Variants in CDA observed in about 807,000 individuals in gnomAD.
CDA encodes the protein cytidine aminohydrolase.
A neutral mutation model predicts 15.0 loss-of-function variants in CDA; 7 were observed. The ratio of observed to expected loss-of-function variants is 0.47; its 90% CI spans 0.26 to 0.87. The LOEUF (loss-of-function observed/expected upper bound fraction) is 0.87. CDA is among the 40% of genes least tolerant of loss of function. The pLI, the probability that CDA is intolerant of heterozygous loss-of-function variation, is 0.15. For synonymous variants in CDA, 58 were observed against 73.0 expected (o/e 0.79, Z 1.05); for missense variants, 159 against 182.7 (o/e 0.87, Z 0.75).
At chr1:20,591,785 G>A (rs1175585383) in intron 1 of CDA, among the ~76,000 whole-genome samples, 2 of 152,086 alleles carry the variant, frequency 1.3e-5, no homozygotes, top group African/African-American at 4.8e-5. Context: ...TGTGACTCTG[G>A]GTGAGACCCT....
rs12120392 is a variant in CDA at position 20,605,647 on chromosome 1, A to G, written c.266+608A>G. On this transcript the variant is annotated intron_variant, in intron 2 of 3. Transcript: ENST00000375071. ...TGCACTCCAGCCTGGGCGACAGAGCAAGACTCCGTCTCAAAAAAAAAAAAA... is the reference window on the plus strand; with the variant it reads ...TGCACTCCAGCCTGGGCGACAGAGCGAGACTCCGTCTCAAAAAAAAAAAAA... 2.6e-3 allele frequency among the ~76,000 whole-genome samples: 295 copies of G among 112,762 alleles called. 31 individuals are homozygous for G. Among genetic ancestry groups the G allele is most frequent in the Middle Eastern group, 0.021 (5 of 240 alleles). 74.0% of individuals were successfully genotyped at this position (112,762 alleles called of 152,430 possible).
chr1:20,593,331 G>T (rs2052565439), intron 1 of CDA, among the ~76,000 whole-genome samples: 1 of 152,172 alleles, frequency 6.6e-6, no homozygotes, highest in African/African-American at 2.4e-5. Flanking sequence ...GCCACCTCAT[G>T]ATGGGGGACA....
chr1:20,595,082 A>C (rs1282568215), intron 1 of CDA, among the ~76,000 whole-genome samples: 2 of 151,828 alleles, frequency 1.3e-5, no homozygotes, highest in African/African-American at 2.4e-5. Flanking sequence ...GTTTCTGCCA[A>C]CTCTGCTGGC....
rs561018709 is a variant in CDA, at chr1:20,600,723, C to T, written c.155-4205C>T. 2.1e-5 allele frequency among the ~76,000 whole-genome samples: 3 copies of T among 142,808 alleles called. No homozygotes were observed. The South Asian group carries it at 6.6e-4, about 31-fold the overall frequency. The allele number at this position is 142,808 out of a possible 152,430, so 93.7% of individuals were successfully genotyped here. On this transcript the variant is annotated intron_variant, in intron 1 of 3. Coordinates refer to ENST00000375071, the MANE Select transcript of CDA (RefSeq NM_001785.3). ...GAGCTGAGATTGTGCCACTACACTC[C>T]AACCTGCATGACAGAGTGAGACTCT...
chr1:20,610,836 TG>T (rs1386104629), intron 2 of CDA, among the ~76,000 whole-genome samples: 1 of 152,188 alleles, frequency 6.6e-6, no homozygotes, highest in African/African-American at 2.4e-5. Context: ...ACAAAGCAGA[TG>T]ACGTATCATC....
chr1:20,608,461 G>A (rs1056479127), intron 2 of CDA, among the ~76,000 whole-genome samples: 13 of 95,282 alleles, frequency 1.4e-4, no homozygotes, highest in Non-Finnish European at 3.3e-4. Flanking sequence ...CCAGGCTGGA[G>A]TGTAGTGGCA....
At chr1:20,601,531 C>T (rs553085942) in intron 1 of CDA, among the ~76,000 whole-genome samples, 88 of 152,320 alleles carry the variant, frequency 5.8e-4, no homozygotes, top group Non-Finnish European at 9.6e-4. Flanking sequence ...CAAACCAGCC[C>T]CCATCTAACA....
At chr1:20,617,699 T>TTTA (rs2052827753) in intron 3 of CDA, among the ~76,000 whole-genome samples, 1 of 66,652 alleles carries the variant, frequency 1.5e-5, no homozygotes, top group Non-Finnish European at 3.2e-5. Context: ...TTTATTTTAT[T>TTTA]TTTTTTTTTT....
Position 20,605,521 on chromosome 1 carries a change from G to A in CDA, c.266+482G>A, listed in dbSNP as rs12123808. ...AAAAATACAAAAAAATTAGCTGAGC[G>A]TGGTGGCGGATGCTTGTAGTCCCAG... On this transcript the variant is annotated intron_variant, in intron 2 of 3. Coordinates refer to ENST00000375071, the MANE Select transcript of CDA (RefSeq NM_001785.3). Among the ~76,000 whole-genome samples the A allele has an allele frequency of 5.6e-4, 62 of 110,526 alleles. 14 individuals are homozygous for A. The highest frequency in any genetic ancestry group is 1.9e-3 in the African/African-American group (59 of 31,874). 72.5% of individuals were successfully genotyped at this position (110,526 alleles called of 152,430 possible).
At chr1:20,598,344 C>T (rs553714018) in intron 1 of CDA, among the ~76,000 whole-genome samples, 22 of 152,294 alleles carry the variant, frequency 1.4e-4, no homozygotes, top group South Asian at 4.1e-4. Context: ...ATGTTCAAGG[C>T]GCCATCTTGG....
chr1:20,594,606 G>A (rs1357292561), intron 1 of CDA, among the ~76,000 whole-genome samples: 1 of 151,962 alleles, frequency 6.6e-6, no homozygotes. Context: ...TGGCCAACAT[G>A]GTAAAACCCC....
intron 1 of CDA, among the ~76,000 whole-genome samples, chr1:20,592,975 C>T (rs1294027520): frequency 6.6e-6 from 1 of 152,104 alleles, no homozygotes; most frequent in East Asian, 1.9e-4. Context: ...CATCTGTGGT[C>T]CCAGACACTT....
chr1:20,596,795 C>G (rs1182078368), intron 1 of CDA, among the ~76,000 whole-genome samples: 1 of 130,386 alleles, frequency 7.7e-6, no homozygotes, highest in Non-Finnish European at 1.6e-5. Context: ...GGATCTCACT[C>G]TGTTGCCCAG....
At chr1:20,607,311 T>C (rs2052702328) in intron 2 of CDA, among the ~76,000 whole-genome samples, 1 of 152,070 alleles carries the variant, frequency 6.6e-6, no homozygotes, top group East Asian at 1.9e-4. Flanking sequence ...AAGCCCGAGG[T>C]GCACTCAAGG....
chr1:20,602,758 T>A (rs904840981), intron 1 of CDA, among the ~76,000 whole-genome samples: 1 of 152,246 alleles, frequency 6.6e-6, no homozygotes, highest in African/African-American at 2.4e-5. Flanking sequence ...GTGGCTTCTT[T>A]GGCGATCCAA....
chr1:20,604,266 T>C (rs12024909), intron 1 of CDA, among the ~76,000 whole-genome samples: 27,984 of 152,082 alleles, frequency 0.18, 2,741 homozygotes, highest in Middle Eastern at 0.23. Flanking sequence ...AATGTATTGC[T>C]CACAGTTCTG....
intron 3 of CDA, among the ~76,000 whole-genome samples, chr1:20,617,993 G>A (rs1182671638): frequency 2.0e-5 from 3 of 151,900 alleles, no homozygotes; most frequent in Non-Finnish European, 2.9e-5. Flanking sequence ...CACAACACCC[G>A]GCCTAAACCT....
rs191027504 is a variant in CDA at position 20,606,443 on chromosome 1, T to G, written c.266+1404T>G. ...GAGGCCCCGATAAGTTGAACAACTTTCCTGGGAGTTAGTGCCAGAGCTGGG... is the reference window on the plus strand; with the variant it reads ...GAGGCCCCGATAAGTTGAACAACTTGCCTGGGAGTTAGTGCCAGAGCTGGG... On this transcript the variant is annotated intron_variant, in intron 2 of 3. Coordinates refer to ENST00000375071, the MANE Select transcript of CDA (RefSeq NM_001785.3). Among the ~76,000 whole-genome samples, 252 of 152,214 alleles carry G rather than the reference T, an allele frequency of 1.7e-3. 5 individuals are homozygous for G. Among genetic ancestry groups the G allele is most frequent in the African/African-American group, 5.3e-3 (222 of 41,522 alleles).
intron 1 of CDA, among the ~76,000 whole-genome samples, chr1:20,591,720 A>G (rs2052549884): frequency 6.6e-6 from 1 of 152,140 alleles, no homozygotes; most frequent in Non-Finnish European, 1.5e-5. Flanking sequence ...AGAGAGTGAA[A>G]TGGAGGCTTC....
Sources: gnomAD v4.1 joint callset for allele counts (sites outside exome capture counted in the v4.1 genomes callset) on GRCh38, gnomAD v4.1.1 for gene constraint, MANE v1.5 for transcripts, NCBI Gene and HGNC (gene_info 2026-07-23, HGNC 2026-07-21) for gene names.